DGKK: variants seen among roughly 807,000 people sequenced by gnomAD.
The protein encoded by DGKK is diacylglycerol kinase kappa, also known as 142 kDa diacylglycerol kinase.
Under a neutral mutation model 92.2 loss-of-function variants are expected in DGKK, and 35 were observed. The ratio of observed to expected loss-of-function variants is 0.38; its 90% CI spans 0.29 to 0.50. The LOEUF (loss-of-function observed/expected upper bound fraction) is 0.50, where lower values mean the gene tolerates loss of function less well. Ranked by LOEUF, DGKK falls within the 20% of genes least tolerant of loss-of-function variation. DGKK has a pLI of 0.92. For missense variants in DGKK, 910 were observed against 992.2 expected (o/e 0.92, Z 1.11); for synonymous variants, 368 against 360.6 (o/e 1.02, Z -0.23).
intron 8 of DGKK, among the ~76,000 whole-genome samples, chrX:50,396,685 T>G (rs149470994): frequency 2.3e-3 from 253 of 111,191 alleles, no homozygotes; most frequent in African/African-American, 7.7e-3. Flanking sequence ...CAGCTCCATC[T>G]AGTATTTCCC....
chrX:50,445,097 G>GAACA (rs782431876), intron 1 of DGKK, among the ~76,000 whole-genome samples: 1,279 of 100,212 alleles, frequency 0.013, 6 homozygotes, highest in Non-Finnish European at 0.02. Flanking sequence ...CTTTTGAAAA[G>GAACA]TGTCTGTTCA....
intron 1 of DGKK, among the ~76,000 whole-genome samples, chrX:50,447,360 ATATATATATT>A (rs1926358231): frequency 7.2e-5 from 1 of 13,930 alleles, no homozygotes; most frequent in Non-Finnish European, 9.5e-5. Context: ...TATATATAAT[ATATATATATT>A]ATATATATAT....
chrX:50,377,043 AG>A (rs1237857948), intron 22 of DGKK, 125 bp from the exon 23 acceptor site: 16 of 613,086 alleles, frequency 2.6e-5, no homozygotes, highest in Non-Finnish European at 3.6e-5. Flanking sequence ...GAGGGGAAGG[AG>A]GGCCCCCTGT....
At chrX:50,390,209 C>A in intron 12 of DGKK, 119 bp downstream of exon 12, 1 of 607,177 alleles carries the variant, frequency 1.6e-6, no homozygotes, top group South Asian at 3.0e-5. Flanking sequence ...GACATGTCAC[C>A]AACTCTCAAT....
Position 50,365,550 on chromosome X carries a change from A to G in DGKK, c.*3390T>C, listed in dbSNP as rs1432131446. The G allele has an allele frequency of 1.8e-5, 2 of 110,859 alleles. No individual in the cohort carries two copies. The highest frequency in any genetic ancestry group is 6.6e-5 in the African/African-American group (2 of 30,405). The allele number at this position is 110,859 out of a possible 1,213,427, so 9.1% of individuals were successfully genotyped here. A position where few individuals can be genotyped will look rare whatever the true frequency, so the allele number is the denominator to read the frequency against. The stretch of plus-strand genomic sequence containing the variant: ...TGCTTTTTCCTGTTACCATGTAAAT[A>G]CCCCAGCTTCCTCCCCCAACCAGCC... On this transcript the variant is annotated 3_prime_UTR_variant, in exon 28 of 28. Transcript: ENST00000611977.
chrX:50,370,464 C>T lies in DGKK; in HGVS notation c.3698G>A (p.Arg1233His), dbSNP rs782099622. ...GACACTCTGGCCTGATTTAGGCTTG[C>T]GTTCCTCTTCTACCTTTTTCTTTCC... ...KLGKKKVEEE[R>H]KPKSGQSVQS... Residue 1233 changes from arginine to histidine, a missense_variant, in exon 27 of 28, where the codon CGC becomes CAC. Physicochemically the swap from Arg to His is conservative, Grantham distance 29 (BLOSUM62 0). Transcript: ENST00000611977. 3.0e-5 allele frequency: 36 copies of T among 1,190,464 alleles called. No homozygotes were observed. The highest frequency in any genetic ancestry group is 8.8e-5 in the African/African-American group (5 of 56,794).
chrX:50,371,803 T>C lies in DGKK; in HGVS notation c.3533A>G (p.Gln1178Arg). 1 of 1,205,290 alleles carries C rather than the reference T, an allele frequency of 8.3e-7. No homozygotes were observed. Among genetic ancestry groups the C allele is most frequent in the South Asian group, 1.8e-5 (1 of 55,999 alleles). Residue 1178 changes from glutamine (Q) to arginine (R), a missense_variant, in exon 26 of 28, where the codon CAA becomes CGA. Coordinates refer to ENST00000611977, the MANE Select transcript of DGKK (RefSeq NM_001013742.4). Reference protein sequence around the residue: ...LRSAEDETALQSALDAMNKEF... With the variant: ...LRSAEDETALRSALDAMNKEF... ...CTTATTCATGGCATCCAGGGCGCTT[T>C]GTAGTGCAGTCTCATCCTCAGCACT...
chrX:50,384,614 G>T, intron 16 of DGKK, 106 bp downstream of exon 16: 1 of 738,859 alleles, frequency 1.4e-6, no homozygotes. Context: ...ATCTACTGCA[G>T]GATTATGGCT....
rs782562766 is a variant in DGKK at position 50,470,632 on chromosome X, T to C, written c.47A>G (p.Asp16Gly). The C allele has an allele frequency of 5.2e-6, 6 of 1,154,424 alleles. No individual in the cohort carries two copies. The African/African-American group carries it at 1.1e-4, about 20-fold the overall frequency. The stretch of plus-strand genomic sequence containing the variant: ...TGGAGACTCAGCGGGCTGCTCTCCA[T>C]CCTGAGGCGGGGCAGTGCCCTGGGC... ...AAAQGTAPPQ[D>G]GEQPAESPEP... Residue 16 changes from aspartate (D) to glycine (G), a missense_variant, in exon 1 of 28, where the codon GAT becomes GGT. By Grantham distance (94) the Asp-to-Gly change is moderately conservative (BLOSUM62 -1). Coordinates refer to ENST00000611977, the MANE Select transcript of DGKK (RefSeq NM_001013742.4).
At chrX:50,428,831 T>G (rs1263585815) in intron 1 of DGKK, among the ~76,000 whole-genome samples, 4 of 111,848 alleles carry the variant, frequency 3.6e-5, no homozygotes, top group Non-Finnish European at 5.6e-5. Flanking sequence ...AATTACTGTT[T>G]CTAAATAAAC....
chrX:50,380,745 G>T (rs1269241877), intron 18 of DGKK, among the ~76,000 whole-genome samples: 1 of 111,195 alleles, frequency 9.0e-6, no homozygotes, highest in Non-Finnish European at 1.9e-5. Flanking sequence ...ACGATCACTA[G>T]AAAGGCTGGA....
intron 1 of DGKK, among the ~76,000 whole-genome samples, chrX:50,439,614 C>T (rs1926119055): frequency 9.1e-6 from 1 of 110,429 alleles, no homozygotes; most frequent in South Asian, 3.8e-4. Context: ...GTGTTTTGCC[C>T]CAAATTTGGA....
chrX:50,386,685 G>C, intron 14 of DGKK, 99 bp from the exon 15 acceptor site: 1 of 687,748 alleles, frequency 1.5e-6, no homozygotes, highest in Non-Finnish European at 2.2e-6. Context: ...GTAGGGAGGG[G>C]TAAGAGTTGT....
intron 1 of DGKK, among the ~76,000 whole-genome samples, chrX:50,429,550 G>A (rs1306901168): frequency 2.7e-5 from 3 of 111,571 alleles, no homozygotes; most frequent in East Asian, 2.8e-4. Flanking sequence ...TTAGCCGGGC[G>A]TGGTGGCGGG....
intron 6 of DGKK, 84 bp from the exon 7 acceptor site, chrX:50,403,267 A>G (rs1237502022): frequency 9.3e-7 from 1 of 1,078,783 alleles, no homozygotes; most frequent in Non-Finnish European, 1.2e-6. Flanking sequence ...GTACTACTCC[A>G]TGGAGGACAT....
At chrX:50,468,421 G>A (rs1557234191) in intron 1 of DGKK, among the ~76,000 whole-genome samples, 1 of 111,083 alleles carries the variant, frequency 9.0e-6, no homozygotes, top group East Asian at 2.8e-4. Flanking sequence ...CCCGGTGAGG[G>A]TGAGCTCCCA....
rs1391653515 is a variant in DGKK, at chrX:50,380,041, C to T, written c.2694G>A (p.Leu898=). Residue 898 remains leucine (L), a synonymous_variant, in exon 19 of 28, where the codon CTG becomes CTA. Transcript: ENST00000611977. ...AGCGCTGCAAAAGTTCTTTGGTTCC[C>T]AGAAGGCCATACCACATCTTGTTCT... The part of the protein sequence containing the change: ...RLKNKMWYGL[L]GTKELLQRSY... The T allele has an allele frequency of 8.3e-7, 1 of 1,209,989 alleles. No homozygotes were observed. The highest frequency in any genetic ancestry group is 1.1e-6 in the Non-Finnish European group (1 of 895,098).
rs574978109 is a variant in DGKK, at chrX:50,372,657, G to A, written c.3502-823C>T. Among the ~76,000 whole-genome samples, 42 of 111,745 alleles carry A rather than the reference G, an allele frequency of 3.8e-4. No individual in the cohort carries two copies. The South Asian group carries it at 0.015, about 41-fold the overall frequency. On this transcript the variant is annotated intron_variant, in intron 25 of 27. Coordinates refer to ENST00000611977, the MANE Select transcript of DGKK (RefSeq NM_001013742.4). Reference sequence around the variant, plus strand: ...TAAGTGCTCCCTAGTAACCCCCAGCGCCCACAAGATGAACTTTGTACAGTC... The same window carrying A: ...TAAGTGCTCCCTAGTAACCCCCAGCACCCACAAGATGAACTTTGTACAGTC...
intron 1 of DGKK, among the ~76,000 whole-genome samples, chrX:50,443,506 T>A (rs1026186220): frequency 1.8e-5 from 2 of 110,967 alleles, no homozygotes; most frequent in Non-Finnish European, 3.8e-5. Flanking sequence ...AAAACACTAT[T>A]GCTATTTTTA....
Sources: allele counts gnomAD v4.1 joint callset (sites outside exome capture counted in the v4.1 genomes callset), GRCh38; gene constraint gnomAD v4.1.1; transcripts MANE v1.5; gene names NCBI Gene and HGNC (gene_info 2026-07-23, HGNC 2026-07-21).